The following HS6ST2 variants were observed in gnomAD, a reference collection of about 807,000 sequenced individuals.
The protein encoded by HS6ST2 is heparan sulfate 6-O-sulfotransferase 2.
HS6ST2 carries 17 observed loss-of-function variants against 33.0 expected under a neutral mutation model. The ratio of observed to expected loss-of-function variants is 0.52; its 90% CI spans 0.35 to 0.77. The LOEUF (loss-of-function observed/expected upper bound fraction) is 0.77, where lower values mean the gene tolerates loss of function less well. HS6ST2 is among the 30% of genes least tolerant of loss of function. HS6ST2 has a pLI of 0.01. For missense variants in HS6ST2, 519 were observed against 551.7 expected (o/e 0.94, Z 0.59); for synonymous variants, 248 against 237.1 (o/e 1.05, Z -0.42).
intron 3 of HS6ST2, among the ~76,000 whole-genome samples, chrX:132,691,816 G>T (rs965837609): frequency 3.6e-5 from 4 of 111,532 alleles, no homozygotes; most frequent in Non-Finnish European, 7.5e-5. Context: ...ATCTTAATAA[G>T]TTGCATATTT....
At chrX:132,828,110 C>T (rs779269400) in intron 2 of HS6ST2, among the ~76,000 whole-genome samples, 2 of 111,377 alleles carry the variant, frequency 1.8e-5, no homozygotes, top group South Asian at 3.8e-4. Flanking sequence ...CAAAGTATTG[C>T]AGGATTTGCA....
intron 2 of HS6ST2, among the ~76,000 whole-genome samples, chrX:132,951,243 A>G (rs1428075833): frequency 9.0e-6 from 1 of 111,358 alleles, no homozygotes; most frequent in African/African-American, 3.3e-5. Flanking sequence ...AGAGCTTCTC[A>G]TACTTACTGG....
At chrX:132,905,554 T>C (rs1012283922) in intron 2 of HS6ST2, among the ~76,000 whole-genome samples, 5 of 112,159 alleles carry the variant, frequency 4.5e-5, no homozygotes, top group African/African-American at 1.6e-4. Flanking sequence ...CTGGATCTGT[T>C]TCTCAAATTC....
At chrX:132,685,939 A>G (rs375699600) in intron 3 of HS6ST2, among the ~76,000 whole-genome samples, 1 of 112,152 alleles carries the variant, frequency 8.9e-6, no homozygotes, top group East Asian at 2.8e-4. Context: ...AAATAAATCC[A>G]TTGCATTCCT....
chrX:132,869,629 C>T (rs1306441153), intron 2 of HS6ST2, among the ~76,000 whole-genome samples: 15 of 111,768 alleles, frequency 1.3e-4, no homozygotes, highest in Admixed American at 2.9e-4. Flanking sequence ...AATCAATAAA[C>T]GTAATCCATC....
intron 2 of HS6ST2, among the ~76,000 whole-genome samples, chrX:132,750,501 A>G (rs1207363876): frequency 1.8e-5 from 2 of 111,693 alleles, no homozygotes; most frequent in African/African-American, 6.5e-5. Context: ...TGTGGGCTGT[A>G]CAGTAGTGCT....
chrX:132,711,956 C>T (rs1369100172), intron 2 of HS6ST2, among the ~76,000 whole-genome samples: 1 of 111,824 alleles, frequency 8.9e-6, no homozygotes, highest in East Asian at 2.8e-4. Flanking sequence ...GATGGCTGTT[C>T]AACAGCAGAG....
At chrX:132,673,818 A>G (rs2063903716) in intron 3 of HS6ST2, among the ~76,000 whole-genome samples, 1 of 111,603 alleles carries the variant, frequency 9.0e-6, no homozygotes, top group South Asian at 3.8e-4. Context: ...AGGTTTTTCA[A>G]TCGTGGTTGT....
chrX:132,900,521 G>A (rs964218052), intron 2 of HS6ST2, among the ~76,000 whole-genome samples: 3 of 110,809 alleles, frequency 2.7e-5, no homozygotes, highest in Non-Finnish European at 5.7e-5. Flanking sequence ...TTCAAAAACA[G>A]CCTAGGCAAC....
At chrX:132,663,258 C>T (rs17317084) in intron 4 of HS6ST2, among the ~76,000 whole-genome samples, 7,754 of 112,299 alleles carry the variant, frequency 0.069, 310 homozygotes, top group Non-Finnish European at 0.11. Context: ...CAAAGCATGT[C>T]CAGCCTATGT....
chrX:132,823,284 A>G (rs1440019441), intron 2 of HS6ST2, among the ~76,000 whole-genome samples: 7 of 111,101 alleles, frequency 6.3e-5, no homozygotes, highest in Non-Finnish European at 1.3e-4. Context: ...TAATTTTTTT[A>G]TTTCAATAGC....
chrX:132,899,457 A>G (rs1244755165), intron 2 of HS6ST2, among the ~76,000 whole-genome samples: 3 of 111,734 alleles, frequency 2.7e-5, no homozygotes, highest in Admixed American at 9.6e-5. Flanking sequence ...GAAAGACTCA[A>G]ATCAAACATC....
intron 2 of HS6ST2, among the ~76,000 whole-genome samples, chrX:132,847,029 G>T (rs1052464610): frequency 9.0e-6 from 1 of 111,288 alleles, no homozygotes. Context: ...AGGGGTTCAT[G>T]CATGAAGCTG....
chrX:132,660,874 C>T (rs1035814387), intron 4 of HS6ST2, among the ~76,000 whole-genome samples: 1 of 112,031 alleles, frequency 8.9e-6, no homozygotes, highest in Admixed American at 9.5e-5. Flanking sequence ...ATTGACTACT[C>T]ACAGTTCTGT....
At position 132,769,656 on chromosome X, in the gene HS6ST2, G is replaced by T. The variant is rs180729409; in HGVS notation, c.948-61162C>A. Reference sequence around the variant, plus strand: ...ATCACCCACTGCTAAAAAGCTTTGGGCTTGGTAGACAATTCCAGGCCAGCA... The same window carrying T: ...ATCACCCACTGCTAAAAAGCTTTGGTCTTGGTAGACAATTCCAGGCCAGCA... On this transcript the variant is annotated intron_variant, in intron 2 of 4. Transcript: ENST00000370833. Among the ~76,000 whole-genome samples the T allele has an allele frequency of 2.8e-3, 315 of 112,523 alleles. 3 individuals are homozygous for T. Among genetic ancestry groups the T allele is most frequent in the Non-Finnish European group, 4.6e-3 (247 of 53,279 alleles).
intron 3 of HS6ST2, among the ~76,000 whole-genome samples, chrX:132,674,758 T>C (rs979715050): frequency 8.9e-6 from 1 of 112,242 alleles, no homozygotes; most frequent in Admixed American, 9.4e-5. Context: ...CAGAGGCCAA[T>C]AGAACGGTAT....
intron 2 of HS6ST2, among the ~76,000 whole-genome samples, chrX:132,771,506 A>G (rs2064899717): frequency 8.9e-6 from 1 of 111,897 alleles, no homozygotes; most frequent in Non-Finnish European, 1.9e-5. Context: ...TTCCCACAGC[A>G]TGACAAGAAG....
At chrX:132,922,832 G>A (rs770392796) in intron 2 of HS6ST2, among the ~76,000 whole-genome samples, 1 of 111,585 alleles carries the variant, frequency 9.0e-6, no homozygotes, top group South Asian at 3.8e-4. Context: ...GGAGGCCTTG[G>A]CGGGTGGATC....
chrX:132,707,373 A>G (rs2064196124), intron 3 of HS6ST2, among the ~76,000 whole-genome samples: 1 of 112,590 alleles, frequency 8.9e-6, no homozygotes, highest in South Asian at 3.7e-4. Context: ...ATTTAGCTCA[A>G]TAAATTATAA....
Sources: allele counts gnomAD v4.1 joint callset (sites outside exome capture counted in the v4.1 genomes callset), GRCh38; gene constraint gnomAD v4.1.1; transcripts MANE v1.5; gene names NCBI Gene and HGNC (gene_info 2026-07-23, HGNC 2026-07-21).